The following ADAMTSL1 variants were observed in gnomAD, a reference collection of about 807,000 sequenced individuals.
The protein encoded by ADAMTSL1 is ADAMTS like 1, also known as ADAMTS-like protein 1.
ADAMTSL1 carries 126 observed loss-of-function variants against 201.8 expected under a neutral mutation model. That is an observed-to-expected ratio of 0.62 (90% CI 0.54 to 0.72). The LOEUF is 0.72. ADAMTSL1 is among the 30% of genes least tolerant of loss of function. The pLI, the probability that ADAMTSL1 is intolerant of heterozygous loss-of-function variation, is 0.00. For synonymous variants in ADAMTSL1, 1,121 were observed against 903.4 expected (o/e 1.24, Z -4.32); for missense variants, 2,679 against 2,277.8 (o/e 1.18, Z -3.59).
At chr9:17,976,805 C>T (rs2131449078) in intron 1 of ADAMTSL1, among the ~76,000 whole-genome samples, 1 of 142,440 alleles carries the variant, frequency 7.0e-6, no homozygotes, top group East Asian at 2.2e-4. Flanking sequence ...TTATTTCTTT[C>T]TAATTTGGAT....
rs1822763007 is a variant in ADAMTSL1 at position 18,500,228 on chromosome 9, T to C, written c.64-4601T>C. On this transcript the variant is annotated intron_variant, in intron 1 of 28. Coordinates refer to ENST00000380548, the MANE Select transcript of ADAMTSL1 (RefSeq NM_001040272.6). The stretch of plus-strand genomic sequence containing the variant: ...CTGAGACTTTGTTGCTGCAATTGGC[T>C]CTGGAATTAACCACAAAACTGTCAG... Among the ~76,000 whole-genome samples the C allele has an allele frequency of 2.6e-5, 4 of 152,246 alleles. No homozygotes were observed. In the South Asian group the frequency reaches 8.3e-4, roughly 31 times the overall value.
intron 25 of ADAMTSL1, among the ~76,000 whole-genome samples, chr9:18,891,939 T>TATCA (rs894468617): frequency 2.6e-5 from 4 of 152,244 alleles, no homozygotes; most frequent in African/African-American, 9.6e-5. Flanking sequence ...TCAAGGTATC[T>TATCA]ATCAATCAGG....
At chr9:18,720,612 A>G (rs1406318522) in intron 14 of ADAMTSL1, among the ~76,000 whole-genome samples, 1 of 152,160 alleles carries the variant, frequency 6.6e-6, no homozygotes, top group East Asian at 1.9e-4. Context: ...GTGAAACCCC[A>G]TCTCTACTAA....
intron 2 of ADAMTSL1, among the ~76,000 whole-genome samples, chr9:18,371,579 T>C (rs966895603): frequency 6.6e-6 from 1 of 152,258 alleles, no homozygotes; most frequent in African/African-American, 2.4e-5. Context: ...TATGTATTTC[T>C]TTGAACATAT....
intron 2 of ADAMTSL1, among the ~76,000 whole-genome samples, chr9:18,416,471 G>C (rs1818680989): frequency 6.6e-6 from 1 of 151,992 alleles, no homozygotes; most frequent in Non-Finnish European, 1.5e-5. Flanking sequence ...TTGAAAGATA[G>C]AGATTGTCAG....
intron 2 of ADAMTSL1, among the ~76,000 whole-genome samples, chr9:18,292,069 C>G (rs1833295779): frequency 6.6e-6 from 1 of 152,084 alleles, no homozygotes; most frequent in Non-Finnish European, 1.5e-5. Flanking sequence ...TTTTGTTAAT[C>G]CTAGAAGACC....
intron 2 of ADAMTSL1, among the ~76,000 whole-genome samples, chr9:18,313,967 T>C (rs1234583791): frequency 6.6e-6 from 1 of 152,164 alleles, no homozygotes; most frequent in East Asian, 1.9e-4. Context: ...TATAAGGAAC[T>C]CAAACAACTT....
intron 2 of ADAMTSL1, among the ~76,000 whole-genome samples, chr9:18,248,410 G>A (rs1587393304): frequency 6.6e-6 from 1 of 152,140 alleles, no homozygotes. Flanking sequence ...AAGCCAAGGT[G>A]TATTCAGCCA....
chr9:18,777,937 G>T, intron 19 of ADAMTSL1, 31 bp downstream of exon 19: 1 of 1,516,436 alleles, frequency 6.6e-7, no homozygotes, highest in South Asian at 1.3e-5. Flanking sequence ...GGTCTTGGGA[G>T]GGAGGCAAGG....
At chr9:18,246,651 A>C (rs1336442629) in intron 2 of ADAMTSL1, among the ~76,000 whole-genome samples, 1 of 152,184 alleles carries the variant, frequency 6.6e-6, no homozygotes, top group East Asian at 1.9e-4. Flanking sequence ...GATTCAGAAA[A>C]ATTAAATTAC....
intron 5 of ADAMTSL1, among the ~76,000 whole-genome samples, chr9:18,627,795 C>T (rs1039809260): frequency 6.6e-6 from 1 of 152,136 alleles, no homozygotes; most frequent in Admixed American, 6.5e-5. Flanking sequence ...ACCTTAATTC[C>T]CCCTTGCCAC....
chr9:18,377,295 A>G (rs1446200428), intron 2 of ADAMTSL1, among the ~76,000 whole-genome samples: 1 of 152,242 alleles, frequency 6.6e-6, no homozygotes, highest in African/African-American at 2.4e-5. Flanking sequence ...AGAACTGCGT[A>G]AGTGCATAGA....
intron 26 of ADAMTSL1, among the ~76,000 whole-genome samples, chr9:18,900,256 C>T (rs1829928334): frequency 2.0e-5 from 3 of 151,970 alleles, no homozygotes; most frequent in East Asian, 1.9e-4. Context: ...GTCAGAATGG[C>T]GATTATGAAA....
chr9:18,364,254 A>C (rs1734694772), intron 2 of ADAMTSL1, among the ~76,000 whole-genome samples: 1 of 152,142 alleles, frequency 6.6e-6, no homozygotes, highest in African/African-American at 2.4e-5. Flanking sequence ...ACTCAGTGAG[A>C]AAAACCACCT....
chr9:18,597,259 A>G (rs1243146685), intron 4 of ADAMTSL1, among the ~76,000 whole-genome samples: 2 of 152,176 alleles, frequency 1.3e-5, no homozygotes, highest in Non-Finnish European at 2.9e-5. Context: ...TCAGGCTGTG[A>G]AACAGAGCCT....
chr9:18,865,805 G>A (rs12685549), intron 23 of ADAMTSL1, among the ~76,000 whole-genome samples: 14,466 of 152,122 alleles, frequency 0.095, 820 homozygotes, highest in East Asian at 0.25. Context: ...CAAGTGCTGC[G>A]TCCTCCTCAG....
intron 2 of ADAMTSL1, among the ~76,000 whole-genome samples, chr9:18,508,845 A>AAATCAGTCCTTAGGCTGGATT (rs1255618971): frequency 3.9e-5 from 6 of 152,168 alleles, no homozygotes; most frequent in African/African-American, 7.2e-5. Flanking sequence ...ATATGGCCCT[A>AAATCAGTCCTTAGGCTGGATT]AATCAGTCCT....
intron 1 of ADAMTSL1, among the ~76,000 whole-genome samples, chr9:18,068,028 G>A (rs1438518361): frequency 2.0e-5 from 3 of 152,044 alleles, no homozygotes; most frequent in Non-Finnish European, 4.4e-5. Flanking sequence ...TGGAAGTTAG[G>A]TTTCTGGAAG....
At position 18,569,905 on chromosome 9, in the gene ADAMTSL1, C is replaced by G. The variant is rs188520397; in HGVS notation, c.238-4125C>G. On this transcript the variant is annotated intron_variant, in intron 3 of 28. Transcript: ENST00000380548. Reference sequence around the variant, plus strand: ...CCACATTATATATATTTAGTACATTCTACATTCAGTATTCCTTAAAGAAAA... The same window carrying G: ...CCACATTATATATATTTAGTACATTGTACATTCAGTATTCCTTAAAGAAAA... Among the ~76,000 whole-genome samples the G allele has an allele frequency of 1.9e-3, 290 of 152,210 alleles. 2 individuals are homozygous for G. The highest frequency in any genetic ancestry group is 3.7e-3 in the Non-Finnish European group (254 of 68,012).
Sources: allele counts gnomAD v4.1 joint callset (sites outside exome capture counted in the v4.1 genomes callset), GRCh38; gene constraint gnomAD v4.1.1; transcripts MANE v1.5; gene names NCBI Gene and HGNC (gene_info 2026-07-23, HGNC 2026-07-21).